Variants in NEBL observed in about 807,000 individuals in gnomAD.
The protein encoded by NEBL is nebulette.
NEBL carries 122 observed loss-of-function variants against 140.2 expected under a neutral mutation model. That is an observed-to-expected ratio of 0.87 (90% CI 0.75 to 1.01). The LOEUF is 1.01. NEBL is among the 50% of genes least tolerant of loss of function. NEBL has a pLI of 0.00. For synonymous variants in NEBL, 436 were observed against 398.9 expected (o/e 1.09, Z -1.11); for missense variants, 1,365 against 1,231.3 (o/e 1.11, Z -1.62).
At chr10:20,859,990 T>C (rs1023639867) in intron 7 of NEBL, among the ~76,000 whole-genome samples, 164 bp from the exon 8 acceptor site, 7 of 152,102 alleles carry the variant, frequency 4.6e-5, no homozygotes, top group African/African-American at 7.2e-5. Flanking sequence ...AAAGTTTTTA[T>C]CTTTAATAAA....
intron 11 of NEBL, among the ~76,000 whole-genome samples, chr10:20,846,168 T>G (rs1411364575): frequency 1.3e-5 from 2 of 152,126 alleles, no homozygotes; most frequent in African/African-American, 2.4e-5. Context: ...AATGCATGCT[T>G]TATGACTATA....
intron 4 of NEBL, among the ~76,000 whole-genome samples, chr10:20,948,570 C>A (rs1361719849): frequency 3.3e-5 from 5 of 152,138 alleles, no homozygotes; most frequent in Admixed American, 1.3e-4. Context: ...TGGACAAGAA[C>A]AAGTTTTGGA....
chr10:21,033,850 A>C (rs940935945), intron 2 of NEBL, among the ~76,000 whole-genome samples: 2 of 152,052 alleles, frequency 1.3e-5, no homozygotes, highest in African/African-American at 4.8e-5. Flanking sequence ...ATAAAACTAC[A>C]TCTTCAAATA....
At chr10:21,076,628 T>A (rs898024557) in intron 2 of NEBL, among the ~76,000 whole-genome samples, 1 of 151,996 alleles carries the variant, frequency 6.6e-6, no homozygotes, top group Non-Finnish European at 1.5e-5. Context: ...CATCAATGAA[T>A]GAATCAGAAA....
intron 1 of NEBL, among the ~76,000 whole-genome samples, chr10:21,283,018 C>A (rs952879970): frequency 9.2e-5 from 14 of 151,872 alleles, no homozygotes; most frequent in African/African-American, 3.4e-4. Context: ...CACCTGTAAG[C>A]CCAGCTACTT....
At chr10:21,201,768 T>C (rs755698463) in intron 3 of NEBL, among the ~76,000 whole-genome samples, 12 of 152,182 alleles carry the variant, frequency 7.9e-5, no homozygotes, top group Non-Finnish European at 1.5e-4. Flanking sequence ...AATATTTCAG[T>C]CTTTCCTCTA....
chr10:20,831,072 G>A, intron 16 of NEBL, 124 bp downstream of exon 16: 1 of 764,818 alleles, frequency 1.3e-6, no homozygotes, highest in South Asian at 1.5e-5. Flanking sequence ...TGGTTTCTTA[G>A]TGAAAGAGTA....
chr10:21,276,695 G>A (rs1403398119), intron 1 of NEBL, among the ~76,000 whole-genome samples: 1 of 152,092 alleles, frequency 6.6e-6, no homozygotes, highest in Non-Finnish European at 1.5e-5. Context: ...GAGGCCAGGA[G>A]TGATGACTCA....
At chr10:20,934,290 T>G (rs1173109328) in intron 4 of NEBL, among the ~76,000 whole-genome samples, 1 of 152,182 alleles carries the variant, frequency 6.6e-6, no homozygotes, top group Admixed American at 6.5e-5. Context: ...ATGACAAGCA[T>G]CTCAGGAGCT....
intron 2 of NEBL, chr10:21,113,035 G>A: frequency 4.5e-6 from 1 of 221,132 alleles, no homozygotes; most frequent in Non-Finnish European, 8.7e-6. Context: ...AGAAGGAGGA[G>A]GAGAGGGAGG....
At chr10:20,863,464 G>T (rs1843938474) in intron 7 of NEBL, among the ~76,000 whole-genome samples, 1 of 152,126 alleles carries the variant, frequency 6.6e-6, no homozygotes, top group African/African-American at 2.4e-5. Flanking sequence ...TCAATCCCCA[G>T]CAATCTTGGA....
intron 3 of NEBL, among the ~76,000 whole-genome samples, chr10:20,969,469 TAAAA>T (rs60300897): frequency 1.0e-4 from 14 of 139,836 alleles, no homozygotes; most frequent in African/African-American, 3.6e-4. Context: ...TTCTTTTACT[TAAAA>T]AAAAAAAAAT....
chr10:20,916,187 C>T lies in NEBL; in HGVS notation c.357+45485G>A, dbSNP rs748501373. Among the ~76,000 whole-genome samples, 60 of 152,224 alleles carry T rather than the reference C, an allele frequency of 3.9e-4. No individual in the cohort carries two copies. In the Middle Eastern group the frequency reaches 0.014, roughly 35 times the overall value. On this transcript the variant is annotated intron_variant, in intron 4 of 6. Transcript: ENST00000417816. Reference sequence around the variant, plus strand: ...GCTAAATGTGAGAATTTTAGAACTACAGGCAAGAACCATGGGTTATGGAGT... The same window carrying T: ...GCTAAATGTGAGAATTTTAGAACTATAGGCAAGAACCATGGGTTATGGAGT...
intron 1 of NEBL, among the ~76,000 whole-genome samples, chr10:21,271,668 G>A (rs963910529): frequency 8.6e-5 from 13 of 151,682 alleles, no homozygotes; most frequent in Admixed American, 2.6e-4. Context: ...TGGGACAATG[G>A]GCACCCGCCA....
At chr10:21,059,271 T>C (rs940583531) in intron 2 of NEBL, among the ~76,000 whole-genome samples, 3 of 152,250 alleles carry the variant, frequency 2.0e-5, no homozygotes, top group Non-Finnish European at 4.4e-5. Context: ...GCACTCCGTA[T>C]GGTCTGCACC....
chr10:21,279,801 G>A (rs1842969804), intron 1 of NEBL, among the ~76,000 whole-genome samples: 1 of 151,360 alleles, frequency 6.6e-6, no homozygotes, highest in African/African-American at 2.4e-5. Context: ...TTTGTGGGCT[G>A]TACAAAAACA....
At chr10:21,259,073 T>TC (rs1179354166) in intron 1 of NEBL, among the ~76,000 whole-genome samples, 3 of 146,364 alleles carry the variant, frequency 2.0e-5, no homozygotes, top group Admixed American at 1.4e-4. Flanking sequence ...CGCACAGTCT[T>TC]TTTTTTTTTT....
Position 20,894,750 on chromosome 10 carries a change from T to TAA in NEBL, c.153+2206_153+2207dup, listed in dbSNP as rs35938506. Among the ~76,000 whole-genome samples, 445 of 114,662 alleles carry TAA rather than the reference T, an allele frequency of 3.9e-3. 3 individuals are homozygous for TAA. Among genetic ancestry groups the TAA allele is most frequent in the East Asian group, 8.4e-3 (33 of 3,952 alleles). 75.2% of individuals were successfully genotyped at this position (114,662 alleles called of 152,430 possible). On this transcript the variant is annotated intron_variant, in intron 2 of 27. Transcript: ENST00000377122. ...TAACACGGTGAAACCCCGTCTCTAC[T>TAA]AAAAAAAAAAAAAAAAAAATACAAA...
At chr10:20,840,988 C>A (rs1184044382) in intron 12 of NEBL, 139 bp from the exon 13 acceptor site, 1 of 646,812 alleles carries the variant, frequency 1.5e-6, no homozygotes, top group Non-Finnish European at 2.7e-6. Context: ...AGTATTCATG[C>A]TTTTTTCCTA....
Sources: allele counts gnomAD v4.1 joint callset (sites outside exome capture counted in the v4.1 genomes callset), GRCh38; gene constraint gnomAD v4.1.1; transcripts MANE v1.5; gene names NCBI Gene and HGNC (gene_info 2026-07-23, HGNC 2026-07-21).